Variants in PLEC observed in about 807,000 individuals in gnomAD.
PLEC encodes plectin, also known as hemidesmosomal protein 1.
PLEC carries 216 observed loss-of-function variants against 392.8 expected under a neutral mutation model. That is an observed-to-expected ratio of 0.55 (90% CI 0.49 to 0.62). The LOEUF (loss-of-function observed/expected upper bound fraction) is 0.62. Ranked by LOEUF, PLEC falls within the 20% of genes least tolerant of loss-of-function variation. The pLI, the probability that PLEC is intolerant of heterozygous loss-of-function variation, is 0.00. For synonymous variants in PLEC, 3,621 were observed against 2,980.6 expected, an observed-to-expected ratio of 1.21 and a Z score of -7.00; for missense variants, 6,863 against 6,563.4, an observed-to-expected ratio of 1.05 and a Z score of -1.58.
At chr8:143,971,122 T>A (rs1007616174) in intron 1 of PLEC, among the ~76,000 whole-genome samples, 1 of 151,926 alleles carries the variant, frequency 6.6e-6, no homozygotes, top group Non-Finnish European at 1.5e-5. Flanking sequence ...GGGAATGACG[T>A]GTCCAGGGGA....
At chr8:143,972,029 G>A (rs1459124062) in intron 1 of PLEC, among the ~76,000 whole-genome samples, 1 of 152,214 alleles carries the variant, frequency 6.6e-6, no homozygotes, top group Non-Finnish European at 1.5e-5. Flanking sequence ...GAAAGCCTCA[G>A]CACAATGCCC....
Position 143,927,892 on chromosome 8 carries a change from T to C in PLEC, c.3361A>G (p.Thr1121Ala), listed in dbSNP as rs1825814328. Residue 1121 changes from threonine (T) to alanine (A), a missense_variant, in exon 26 of 32, where the codon ACC becomes GCC. Thr to Ala is a moderately conservative substitution (Grantham distance 58). Coordinates refer to ENST00000345136, the MANE Select transcript of PLEC (RefSeq NM_201384.3). ...QLKEAQAVPA[T>A]LPELEATKAS... The stretch of plus-strand genomic sequence containing the variant: ...TTGGTGGCCTCGAGCTCCGGGAGGG[T>C]GGCCGGCACGGCCTGGGCCTCCTTG... 6.3e-7 allele frequency: 1 copy of C among 1,593,130 alleles called. No individual in the cohort carries two copies. Among genetic ancestry groups the C allele is most frequent in the Non-Finnish European group, 8.5e-7 (1 of 1,170,788 alleles).
intron 11 of PLEC, 25 bp from the exon 12 acceptor site, chr8:143,934,116 G>A (rs782285347): frequency 5.0e-6 from 8 of 1,606,426 alleles, no homozygotes; most frequent in Middle Eastern, 1.6e-4. Context: ...CAGGGAAGGG[G>A]CCGCGTTGGC....
At chr8:143,940,743 T>C (rs1554728122), upstream of PLEC, among the ~76,000 whole-genome samples, 1 of 152,140 alleles carries the variant, frequency 6.6e-6, no homozygotes, top group Non-Finnish European at 1.5e-5. Flanking sequence ...CTACTGCCCC[T>C]GAGGCCGTGA....
At chr8:143,926,600 G>A (rs1265405523) in intron 30 of PLEC, among the ~76,000 whole-genome samples, 184 bp downstream of exon 30, 1 of 152,184 alleles carries the variant, frequency 6.6e-6, no homozygotes, top group Non-Finnish European at 1.5e-5. Flanking sequence ...CAGGCCAGGG[G>A]GGCAGGCCAC....
upstream of PLEC, among the ~76,000 whole-genome samples, chr8:143,953,448 CCCGCCGCCGCCGCCGCCG>C (rs1174485406): frequency 6.6e-6 from 1 of 150,980 alleles, no homozygotes; most frequent in Admixed American, 6.6e-5. Flanking sequence ...CTGTCCCCGC[CCCGCCGCCGCCGCCGCCG>C]CCGCCGCCGC....
At position 143,933,069 on chromosome 8, in the gene PLEC, C is replaced by T. The variant is rs782426400; in HGVS notation, c.1461G>A (p.Glu487=). The T allele has an allele frequency of 4.1e-5, 66 of 1,590,550 alleles. No homozygotes were observed. Among genetic ancestry groups the T allele is most frequent in the Non-Finnish European group, 5.6e-5 (65 of 1,170,374 alleles). The part of the protein sequence containing the change: ...LHERLVAIRT[E]YNLRLKAGVA... ...CGCCTGCCTTCAGCCGTAGGTTGTA[C>T]TCGGTGCGGATGGCTACCAGGCGCT... The change falls in exon 14 of 32, where the codon GAG becomes GAA. Residue 487 remains glutamate (E), a synonymous_variant. Coordinates refer to ENST00000345136, the MANE Select transcript of PLEC (RefSeq NM_201384.3).
At chr8:143,937,790 C>T (rs1251063485) in intron 3 of PLEC, 4 of 519,022 alleles carry the variant, frequency 7.7e-6, no homozygotes, top group Admixed American at 4.5e-5. Context: ...CTCGGCTGCC[C>T]GGCCAGAGCA....
chr8:143,962,235 G>A lies in PLEC; in HGVS notation c.70+11168C>T, dbSNP rs572945502. Reference sequence around the variant, plus strand: ...GATCCAAAAGCAAGTGTCCTTAGACGAGGAGAGACACAGAGGCAGGGATTG... The same window carrying A: ...GATCCAAAAGCAAGTGTCCTTAGACAAGGAGAGACACAGAGGCAGGGATTG... On this transcript the variant is annotated intron_variant, in intron 1 of 31. Coordinates refer to the PLEC transcript ENST00000356346. 4.6e-5 allele frequency among the ~76,000 whole-genome samples: 7 copies of A among 152,340 alleles called. 1 individual carries two copies. The South Asian group carries it at 1.2e-3, about 27-fold the overall frequency.
At position 143,916,302 on chromosome 8, in the gene PLEC, C is replaced by G; in HGVS notation, c.13519G>C (p.Asp4507His). The change falls in exon 32 of 32, where the codon GAC (aspartate) becomes CAC (histidine). Residue 4507 changes from aspartate to histidine, a missense_variant. Physicochemically the swap from Asp to His is moderately conservative, Grantham distance 81. Transcript: ENST00000345136. Reference sequence around the variant, plus strand: ...ATGGAGAAGCCGGAGCCGGTGGCGTCAAAGCTGCCGCGGCGGGAGCCGGCC... The same window carrying G: ...ATGGAGAAGCCGGAGCCGGTGGCGTGAAAGCTGCCGCGGCGGGAGCCGGCC... ...SRAGSRRGSF[D>H]ATGSGFSMTF... is the part of the protein sequence containing the mutation. 1 of 1,585,294 alleles carries G rather than the reference C, an allele frequency of 6.3e-7. No homozygotes were observed. The highest frequency in any genetic ancestry group is 8.6e-7 in the Non-Finnish European group (1 of 1,166,408).
At chr8:143,936,944 G>T in intron 5 of PLEC, 35 bp downstream of exon 5, 2 of 1,513,932 alleles carry the variant, frequency 1.3e-6, no homozygotes, top group Non-Finnish European at 1.8e-6. Context: ...GGAAACTCCT[G>T]CAGGGGGTGG....
Position 143,918,738 on chromosome 8 carries a change from C to G in PLEC, c.11083G>C (p.Val3695Leu), listed in dbSNP as rs781848704. The change falls in exon 32 of 32, where the codon GTC becomes CTC. Residue 3695 changes from valine to leucine, a missense_variant. By Grantham distance (32) the Val-to-Leu change is conservative. Coordinates refer to ENST00000345136, the MANE Select transcript of PLEC (RefSeq NM_201384.3). ...GTCTGCCTGGAACCGGGCAGGTAGA[C>G]ACCAGCCACGGAGCCCGTGCCATAG... The part of the protein sequence containing the change: ...YLYGTGSVAG[V>L]YLPGSRQTLS... 5.0e-6 allele frequency: 8 copies of G among 1,613,012 alleles called. No individual in the cohort carries two copies. The highest frequency in any genetic ancestry group is 6.8e-6 in the Non-Finnish European group (8 of 1,180,002).
intron 30 of PLEC, among the ~76,000 whole-genome samples, chr8:143,926,235 C>CG (rs1825138444): frequency 6.6e-6 from 1 of 152,208 alleles, no homozygotes; most frequent in African/African-American, 2.4e-5. Flanking sequence ...TGCTGGACAC[C>CG]AGTGGGCCTG....
rs561260789 is a variant in PLEC at position 143,966,360 on chromosome 8, G to A, written c.70+7043C>T. On this transcript the variant is annotated intron_variant, in intron 1 of 31. Coordinates refer to the PLEC transcript ENST00000356346. ...AGCCTGGCCTCCCCACCTCAGCCCA[G>A]CATTTCCTGCACCTCAGTGTCTGCA... Among the ~76,000 whole-genome samples, 9 of 152,308 alleles carry A rather than the reference G, an allele frequency of 5.9e-5. No individual in the cohort carries two copies. The South Asian group carries it at 1.7e-3, about 28-fold the overall frequency.
At chr8:143,950,640 C>G in exon 1 of PLEC, 1 of 1,594,150 alleles carries the variant, frequency 6.3e-7, no homozygotes, top group Middle Eastern at 1.7e-4. Context: ...ACCATCACGC[C>G]CTCGCGGAAG....
At chr8:143,952,220 A>ACACACGCGCG (rs782520190), upstream of PLEC, among the ~76,000 whole-genome samples, 24 of 139,890 alleles carry the variant, frequency 1.7e-4, no homozygotes, top group African/African-American at 3.3e-4. Flanking sequence ...GCGCGCACAC[A>ACACACGCGCG]CGCACGCGCA....
chr8:143,936,547 C>A (rs1829106951), intron 5 of PLEC, among the ~76,000 whole-genome samples: 1 of 152,236 alleles, frequency 6.6e-6, no homozygotes, highest in South Asian at 2.1e-4. Context: ...CCACCCCTAG[C>A]TGCCTGTCGT....
Position 143,935,333 on chromosome 8 carries a change from G to T in PLEC, c.603-20C>A. On this transcript the variant is annotated intron_variant, in intron 6 of 31. Coordinates refer to ENST00000345136, the MANE Select transcript of PLEC (RefSeq NM_201384.3). Reference sequence around the variant, plus strand: ...AGGGGCCTGGGACAAGCAGGTGGCTGGTCAGGTGGGTGGGACAAGACCAGC... The same window carrying T: ...AGGGGCCTGGGACAAGCAGGTGGCTTGTCAGGTGGGTGGGACAAGACCAGC... The T allele has an allele frequency of 3.2e-6, 5 of 1,566,096 alleles. No homozygotes were observed. The highest frequency in any genetic ancestry group is 4.3e-6 in the Non-Finnish European group (5 of 1,151,708).
At chr8:143,931,304 T>C (rs1348331474) in intron 19 of PLEC, among the ~76,000 whole-genome samples, 1 of 108,460 alleles carries the variant, frequency 9.2e-6, no homozygotes, top group African/African-American at 2.7e-5. Flanking sequence ...ACACCTCCCA[T>C]GGTGCCTCCC....
Sources: allele counts gnomAD v4.1 joint callset (sites outside exome capture counted in the v4.1 genomes callset), GRCh38; gene constraint gnomAD v4.1.1; transcripts MANE v1.5; gene names NCBI Gene and HGNC (gene_info 2026-07-23, HGNC 2026-07-21).